Variants in SDK1 observed in about 807,000 individuals in gnomAD.
The protein encoded by SDK1 is sidekick cell adhesion molecule 1, also known as protein sidekick-1.
Under a neutral mutation model 245.5 loss-of-function variants are expected in SDK1, and 157 were observed. That is an observed-to-expected ratio of 0.64 (90% CI 0.56 to 0.73). The LOEUF (loss-of-function observed/expected upper bound fraction) is 0.73. Among genes scored for constraint, SDK1 ranks in the 30% least tolerant of loss-of-function variants. The probability of loss-of-function intolerance (pLI) is 0.00; values close to 1 mark genes in which losing one functional copy is unlikely to be tolerated. For synonymous variants in SDK1, 1,647 were observed against 1,278.5 expected (o/e 1.29, Z -6.15); for missense variants, 3,583 against 3,002.3 (o/e 1.19, Z -4.52).
At chr7:3,722,322 A>G (rs1483590727) in intron 4 of SDK1, among the ~76,000 whole-genome samples, 2 of 152,186 alleles carry the variant, frequency 1.3e-5, no homozygotes, top group African/African-American at 4.8e-5. Flanking sequence ...ACAGTCGAAG[A>G]GGAGTGGAGT....
At chr7:4,165,341 A>G (rs1377327591) in intron 32 of SDK1, among the ~76,000 whole-genome samples, 1 of 152,050 alleles carries the variant, frequency 6.6e-6, no homozygotes, top group East Asian at 1.9e-4. Flanking sequence ...CCTGGGCAAC[A>G]ACAGCAAAAC....
At chr7:3,880,543 C>CTTTTTT (rs5882008) in intron 5 of SDK1, among the ~76,000 whole-genome samples, 3 of 92,006 alleles carry the variant, frequency 3.3e-5, no homozygotes, top group African/African-American at 1.2e-4. Flanking sequence ...ATGCCCTGGT[C>CTTTTTT]TTTTTTTTTT....
At chr7:3,416,738 C>A (rs1480054678) in intron 1 of SDK1, among the ~76,000 whole-genome samples, 1 of 152,138 alleles carries the variant, frequency 6.6e-6, no homozygotes, top group African/African-American at 2.4e-5. Flanking sequence ...TTCTCCAGCA[C>A]ATTTACCAGA....
At chr7:3,793,590 TA>T (rs1778875213) in intron 4 of SDK1, among the ~76,000 whole-genome samples, 1 of 152,232 alleles carries the variant, frequency 6.6e-6, no homozygotes, top group Non-Finnish European at 1.5e-5. Flanking sequence ...GTGTCGATTC[TA>T]TAGCTGTTGT....
intron 1 of SDK1, among the ~76,000 whole-genome samples, chr7:3,514,692 G>A (rs1782684218): frequency 6.6e-6 from 1 of 152,146 alleles, no homozygotes; most frequent in African/African-American, 2.4e-5. Context: ...ATTTAAGGAG[G>A]TTTCTGAATA....
chr7:3,810,226 A>C (rs1471660161), intron 4 of SDK1, among the ~76,000 whole-genome samples: 2 of 152,058 alleles, frequency 1.3e-5, no homozygotes, highest in Admixed American at 6.5e-5. Flanking sequence ...TTCTGTCCTC[A>C]CTTTTCATGG....
intron 4 of SDK1, among the ~76,000 whole-genome samples, chr7:3,672,907 G>C (rs1783764123): frequency 6.7e-6 from 1 of 148,768 alleles, no homozygotes; most frequent in Admixed American, 6.7e-5. Flanking sequence ...TTGGGTAAAA[G>C]CTCTATTCTA....
intron 1 of SDK1, among the ~76,000 whole-genome samples, chr7:3,349,247 A>G (rs1248990585): frequency 6.6e-6 from 1 of 152,182 alleles, no homozygotes; most frequent in African/African-American, 2.4e-5. Flanking sequence ...ATTTAGATGT[A>G]TACCTTTGAC....
intron 7 of SDK1, chr7:3,958,198 T>C (rs552479387): frequency 4.7e-5 from 15 of 320,734 alleles, no homozygotes; most frequent in Non-Finnish European, 3.0e-5. Flanking sequence ...TTTGTTATCA[T>C]GATAATGAAA....
rs553286982 is a variant in SDK1, at chr7:3,948,327, G to A, written c.848-2596G>A. ...GGCTGGACTGCAGTGATGCCATCTCGGCTCACTGCAACCTCCACCTCTCGG... is the reference window on the plus strand; with the variant it reads ...GGCTGGACTGCAGTGATGCCATCTCAGCTCACTGCAACCTCCACCTCTCGG... On this transcript the variant is annotated intron_variant, in intron 5 of 44. Coordinates refer to ENST00000404826, the MANE Select transcript of SDK1 (RefSeq NM_152744.4). Among the ~76,000 whole-genome samples the A allele has an allele frequency of 1.9e-4, 26 of 135,968 alleles. No individual in the cohort carries two copies. In the South Asian group the frequency reaches 4.8e-3, roughly 25 times the overall value. The allele number at this position is 135,968 out of a possible 152,430, so 89.2% of individuals were successfully genotyped here. A position where few individuals can be genotyped will look rare whatever the true frequency, so the allele number is the denominator to read the frequency against.
chr7:3,377,043 A>G (rs1324800991), intron 1 of SDK1, among the ~76,000 whole-genome samples: 1 of 152,294 alleles, frequency 6.6e-6, no homozygotes, highest in Admixed American at 6.5e-5. Context: ...TCTAACATTC[A>G]GCCCTGCTTC....
intron 44 of SDK1, among the ~76,000 whole-genome samples, chr7:4,257,940 G>A (rs770729520): frequency 4.6e-5 from 7 of 150,602 alleles, no homozygotes; most frequent in Non-Finnish European, 1.0e-4. Context: ...TATCCATGTG[G>A]TGGGGAAGAA....
intron 4 of SDK1, among the ~76,000 whole-genome samples, chr7:3,741,916 T>C (rs1315529025): frequency 1.3e-5 from 2 of 151,554 alleles, no homozygotes; most frequent in South Asian, 4.2e-4. Flanking sequence ...AATATCCAGG[T>C]ATCTTGACCA....
chr7:4,017,340 A>G lies in SDK1; in HGVS notation c.2590A>G (p.Thr864Ala), dbSNP rs771712380. Residue 864 changes from threonine (T) to alanine (A), a missense_variant, in exon 17 of 45, where the codon ACC (threonine) becomes GCC (alanine). Thr to Ala is a moderately conservative substitution (Grantham distance 58). Coordinates refer to ENST00000404826, the MANE Select transcript of SDK1 (RefSeq NM_152744.4). ...GVFSRAVTEY[T>A]LQGVPTAPPQ... The stretch of plus-strand genomic sequence containing the variant: ...CTTCAGCAGGGCAGTGACCGAGTAC[A>G]CCTTGCAGGGAGGTAAGCTTGTCTC... 6.2e-7 allele frequency: 1 copy of G among 1,610,364 alleles called. No individual in the cohort carries two copies. The highest frequency in any genetic ancestry group is 8.5e-7 in the Non-Finnish European group (1 of 1,178,314).
chr7:3,530,735 G>A (rs995119076), intron 1 of SDK1, among the ~76,000 whole-genome samples: 3 of 152,170 alleles, frequency 2.0e-5, no homozygotes, highest in African/African-American at 4.8e-5. Context: ...GGCCAAGGTA[G>A]CTAAATGCAA....
chr7:3,907,681 C>G (rs1042603498), intron 5 of SDK1, among the ~76,000 whole-genome samples: 2 of 152,228 alleles, frequency 1.3e-5, no homozygotes, highest in East Asian at 3.8e-4. Flanking sequence ...TTAAAACAGA[C>G]TCTTACCAAA....
At chr7:3,980,956 G>GA (rs1400415815) in intron 13 of SDK1, among the ~76,000 whole-genome samples, 1 of 151,584 alleles carries the variant, frequency 6.6e-6, no homozygotes, top group Non-Finnish European at 1.5e-5. Flanking sequence ...AAAAAAGAAA[G>GA]AAAAAAAGAA....
intron 5 of SDK1, among the ~76,000 whole-genome samples, chr7:3,904,232 T>C (rs1482947173): frequency 6.6e-6 from 1 of 152,012 alleles, no homozygotes; most frequent in African/African-American, 2.4e-5. Context: ...ATGTGCAAAA[T>C]ACACAAATCT....
At chr7:4,250,700 G>C (rs1787238502) in intron 44 of SDK1, among the ~76,000 whole-genome samples, 1 of 152,082 alleles carries the variant, frequency 6.6e-6, no homozygotes, top group Admixed American at 6.5e-5. Context: ...ATGTCACAAG[G>C]GGATTTGGAA....
Sources: allele counts gnomAD v4.1 joint callset (sites outside exome capture counted in the v4.1 genomes callset), GRCh38; gene constraint gnomAD v4.1.1; transcripts MANE v1.5; gene names NCBI Gene and HGNC (gene_info 2026-07-23, HGNC 2026-07-21).